The following GABBR2 variants were observed in gnomAD, a reference collection of about 807,000 sequenced individuals.
GABBR2 encodes G-protein coupled receptor 51.
GABBR2 carries 23 observed loss-of-function variants against 105.6 expected under a neutral mutation model. That is an observed-to-expected ratio of 0.22 (90% confidence interval 0.16 to 0.31). The LOEUF (loss-of-function observed/expected upper bound fraction) is 0.31. Among genes scored for constraint, GABBR2 ranks in the 10% least tolerant of loss-of-function variants. The pLI, the probability that GABBR2 is intolerant of heterozygous loss-of-function variation, is 1.00. For missense variants in GABBR2, 734 were observed against 1,245.5 expected, an observed-to-expected ratio of 0.59 and a Z score of 6.18; for synonymous variants, 478 against 499.7, an observed-to-expected ratio of 0.96 and a Z score of 0.58.
chr9:98,430,052 C>G (rs577488600), intron 7 of GABBR2, among the ~76,000 whole-genome samples: 1 of 151,940 alleles, frequency 6.6e-6, no homozygotes, highest in South Asian at 2.1e-4. Flanking sequence ...TTTGGGAGGC[C>G]GAGGCGGGTG....
intron 7 of GABBR2, among the ~76,000 whole-genome samples, chr9:98,411,219 C>T (rs1832586034): frequency 6.6e-6 from 1 of 152,156 alleles, no homozygotes; most frequent in African/African-American, 2.4e-5. Flanking sequence ...TCAATCCAAA[C>T]TAATAGTTCA....
At chr9:98,335,807 G>C (rs1190018564) in intron 13 of GABBR2, among the ~76,000 whole-genome samples, 1 of 151,404 alleles carries the variant, frequency 6.6e-6, no homozygotes. Flanking sequence ...TGTTGTCAGT[G>C]CTGACAAGAA....
chr9:98,649,940 G>T lies in GABBR2; in HGVS notation c.321+58477C>A, dbSNP rs1252293764. 2.6e-5 allele frequency among the ~76,000 whole-genome samples: 4 copies of T among 152,128 alleles called. No individual in the cohort carries two copies. The South Asian group carries it at 8.3e-4, about 32-fold the overall frequency. The stretch of plus-strand genomic sequence containing the variant: ...TTTTCTCCAACAATAAGCATGTACA[G>T]CTATGTTAATAAAATATCCTGAAGT... On this transcript the variant is annotated intron_variant, in intron 1 of 18. Transcript: ENST00000259455.
intron 7 of GABBR2, among the ~76,000 whole-genome samples, chr9:98,445,798 A>T (rs944196688): frequency 2.0e-5 from 3 of 152,212 alleles, no homozygotes; most frequent in African/African-American, 7.2e-5. Context: ...TAGCAGGGGC[A>T]CCTGCAGCAG....
chr9:98,694,746 C>T (rs555788753), intron 1 of GABBR2, among the ~76,000 whole-genome samples: 1 of 152,360 alleles, frequency 6.6e-6, no homozygotes, highest in South Asian at 2.1e-4. Flanking sequence ...CTCCCTTCCT[C>T]TCTCTCTTTC....
At position 98,613,181 on chromosome 9, in the gene GABBR2, A is replaced by G. The variant is rs970966418; in HGVS notation, c.322-35109T>C. 4.6e-5 allele frequency among the ~76,000 whole-genome samples: 7 copies of G among 152,210 alleles called. No individual in the cohort carries two copies. In the East Asian group the frequency reaches 7.7e-4, roughly 17 times the overall value. ...CACCCATGACCACCAGCTGATGCCT[A>G]TAATTCCAACACCTTGGGAGGCCAA... On this transcript the variant is annotated intron_variant, in intron 1 of 18. Transcript: ENST00000259455.
At chr9:98,307,089 T>C (rs898268228) in intron 14 of GABBR2, among the ~76,000 whole-genome samples, 11 of 152,184 alleles carry the variant, frequency 7.2e-5, no homozygotes, top group Non-Finnish European at 1.3e-4. Context: ...GGCTGCAAGA[T>C]GCAAGGAACT....
At chr9:98,608,076 G>C (rs1202241003) in intron 1 of GABBR2, 1 of 1,312,748 alleles carries the variant, frequency 7.6e-7, no homozygotes, top group Non-Finnish European at 1.1e-6. Flanking sequence ...ACGTATTTTA[G>C]AACAACGAAC....
intron 2 of GABBR2, among the ~76,000 whole-genome samples, chr9:98,566,370 T>C (rs990372663): frequency 1.3e-5 from 2 of 152,122 alleles, no homozygotes; most frequent in East Asian, 3.9e-4. Flanking sequence ...ATTACAGGAA[T>C]GATGTTTTAA....
chr9:98,616,669 G>A (rs1333898179), intron 1 of GABBR2, among the ~76,000 whole-genome samples: 3 of 151,682 alleles, frequency 2.0e-5, no homozygotes, highest in Admixed American at 6.6e-5. Context: ...CAGGAGAATC[G>A]CTTGAACCCA....
intron 14 of GABBR2, among the ~76,000 whole-genome samples, chr9:98,309,894 G>A (rs1830609509): frequency 6.6e-6 from 1 of 152,228 alleles, no homozygotes; most frequent in African/African-American, 2.4e-5. Context: ...TTCTGGCATG[G>A]CCTCTCAAAG....
At chr9:98,518,323 T>G (rs1378145443) in intron 3 of GABBR2, among the ~76,000 whole-genome samples, 3 of 150,380 alleles carry the variant, frequency 2.0e-5, no homozygotes, top group Non-Finnish European at 4.4e-5. Context: ...ACTGTAGATA[T>G]AAGTTTTTCA....
intron 2 of GABBR2, among the ~76,000 whole-genome samples, chr9:98,569,927 A>G (rs1828803878): frequency 6.6e-6 from 1 of 152,266 alleles, no homozygotes; most frequent in Non-Finnish European, 1.5e-5. Flanking sequence ...CCTATGAAAC[A>G]AAATGGCATT....
chr9:98,527,046 A>G (rs1171128099), intron 3 of GABBR2, among the ~76,000 whole-genome samples: 2 of 149,620 alleles, frequency 1.3e-5, no homozygotes, highest in Non-Finnish European at 3.0e-5. Flanking sequence ...GAATGAAGCA[A>G]TATTAACGAC....
chr9:98,292,708 CA>C (rs1349902510), intron 18 of GABBR2, among the ~76,000 whole-genome samples: 3 of 152,226 alleles, frequency 2.0e-5, no homozygotes. Flanking sequence ...GTGTCCTGTC[CA>C]AGCACCCAGG....
At chr9:98,436,937 G>A (rs921481520) in intron 7 of GABBR2, among the ~76,000 whole-genome samples, 12 of 151,992 alleles carry the variant, frequency 7.9e-5, no homozygotes, top group African/African-American at 2.7e-4. Context: ...CACATGGGTC[G>A]GTGTGATACA....
At chr9:98,573,941 C>T (rs994358062) in intron 2 of GABBR2, among the ~76,000 whole-genome samples, 1 of 152,172 alleles carries the variant, frequency 6.6e-6, no homozygotes, top group African/African-American at 2.4e-5. Flanking sequence ...AAGATATCAC[C>T]CCCTATTGGG....
intron 11 of GABBR2, among the ~76,000 whole-genome samples, chr9:98,381,160 G>A (rs941689198): frequency 2.0e-5 from 3 of 152,216 alleles, no homozygotes; most frequent in Non-Finnish European, 2.9e-5. Context: ...AGTTCCAGGC[G>A]GCTTGTCTGA....
At chr9:98,294,008 G>A in intron 17 of GABBR2, 106 bp from the exon 18 acceptor site, 1 of 755,284 alleles carries the variant, frequency 1.3e-6, no homozygotes, top group South Asian at 1.5e-5. Flanking sequence ...GAATGCAAAA[G>A]AGCCCATTAT....
Sources: gnomAD v4.1 joint callset for allele counts (sites outside exome capture counted in the v4.1 genomes callset) on GRCh38, gnomAD v4.1.1 for gene constraint, MANE v1.5 for transcripts, NCBI Gene and HGNC (gene_info 2026-07-23, HGNC 2026-07-21) for gene names.